ZW10: variants seen among roughly 807,000 people sequenced by gnomAD.
ZW10 encodes centromere/kinetochore protein zw10 homolog.
A neutral mutation model predicts 87.8 loss-of-function variants in ZW10; 53 were observed. That is an observed-to-expected ratio of 0.60 (90% CI 0.48 to 0.76). The LOEUF is 0.76. Ranked by LOEUF, ZW10 falls within the 30% of genes least tolerant of loss-of-function variation. The pLI, the probability that ZW10 is intolerant of heterozygous loss-of-function variation, is 0.00. For missense variants in ZW10, 837 were observed against 923.0 expected (o/e 0.91, Z 1.21); for synonymous variants, 312 against 329.2 (o/e 0.95, Z 0.57).
chr11:113,767,453 G>A (rs1483442226), intron 2 of ZW10, among the ~76,000 whole-genome samples: 2 of 152,008 alleles, frequency 1.3e-5, no homozygotes, highest in Non-Finnish European at 2.9e-5. Flanking sequence ...ACATCAACAA[G>A]TTCCAAATAT....
At chr11:113,738,560 T>C (rs1475530490) in intron 12 of ZW10, among the ~76,000 whole-genome samples, 166 bp from the exon 13 acceptor site, 1 of 152,206 alleles carries the variant, frequency 6.6e-6, no homozygotes, top group Non-Finnish European at 1.5e-5. Flanking sequence ...ACAATCACTT[T>C]GAATACATTA....
intron 7 of ZW10, among the ~76,000 whole-genome samples, chr11:113,752,632 G>C (rs1185138447): frequency 6.6e-6 from 1 of 152,158 alleles, no homozygotes; most frequent in Non-Finnish European, 1.5e-5. Flanking sequence ...GAGATGCCAT[G>C]AACCACTCAT....
At chr11:113,757,107 TAAA>T (rs112995495) in intron 7 of ZW10, among the ~76,000 whole-genome samples, 1,703 of 137,078 alleles carry the variant, frequency 0.012, 39 homozygotes, top group African/African-American at 0.044. Context: ...CAAATAGACT[TAAA>T]AAAAAAAAAA....
intron 7 of ZW10, among the ~76,000 whole-genome samples, chr11:113,754,451 C>T (rs1953762720): frequency 6.6e-6 from 1 of 152,040 alleles, no homozygotes; most frequent in South Asian, 2.1e-4. Flanking sequence ...TGCCACTATA[C>T]TCCAGCCTGG....
At chr11:113,742,693 T>C (rs140126765) in intron 10 of ZW10, among the ~76,000 whole-genome samples, 272 of 152,328 alleles carry the variant, frequency 1.8e-3, no homozygotes, top group African/African-American at 6.0e-3. Context: ...TGGTCTGATA[T>C]ATTTCAGGAG....
chr11:113,735,226 G>A (rs1953536657), intron 15 of ZW10, among the ~76,000 whole-genome samples: 1 of 152,140 alleles, frequency 6.6e-6, no homozygotes, highest in Non-Finnish European at 1.5e-5. Flanking sequence ...AAGAAGTTGA[G>A]TTGTACTAGT....
At chr11:113,753,073 T>A (rs1477751765) in intron 7 of ZW10, among the ~76,000 whole-genome samples, 2 of 152,196 alleles carry the variant, frequency 1.3e-5, no homozygotes, top group Non-Finnish European at 2.9e-5. Context: ...AGGTTTGTTA[T>A]ATAGGTAAAC....
chr11:113,767,904 C>T (rs1591424286), intron 2 of ZW10, among the ~76,000 whole-genome samples: 1 of 152,214 alleles, frequency 6.6e-6, no homozygotes, highest in South Asian at 2.1e-4. Flanking sequence ...CTTATGGCTA[C>T]TTACAACACT....
intron 7 of ZW10, among the ~76,000 whole-genome samples, chr11:113,755,540 A>C (rs746253407): frequency 1.2e-4 from 18 of 152,230 alleles, no homozygotes; most frequent in Admixed American, 2.6e-4. Context: ...GCTGGTGAAG[A>C]TGCTGTGAAC....
Position 113,764,844 on chromosome 11 carries a change from T to G in ZW10, c.241-3926A>C, listed in dbSNP as rs552433506. 1.6e-3 allele frequency among the ~76,000 whole-genome samples: 241 copies of G among 152,344 alleles called. 6 individuals are homozygous for G. The highest frequency in any genetic ancestry group is 1.7e-3 in the Non-Finnish European group (115 of 68,028). On this transcript the variant is annotated intron_variant, in intron 2 of 15. Transcript: ENST00000200135. ...TCCATGAAACTATTCTCTACTGATT[T>G]TCCTCTTAGTTCTCTAGCCCTTCCT...
intron 1 of ZW10, among the ~76,000 whole-genome samples, chr11:113,772,029 CCT>C (rs1251566063): frequency 5.3e-5 from 8 of 152,046 alleles, no homozygotes; most frequent in Admixed American, 5.2e-4. Flanking sequence ...ATCCCCTCTC[CCT>C]GAGGGAAGAT....
chr11:113,765,080 A>T (rs1953897286), intron 2 of ZW10, among the ~76,000 whole-genome samples: 1 of 152,222 alleles, frequency 6.6e-6, no homozygotes, highest in Admixed American at 6.5e-5. Flanking sequence ...AACAGAGGCC[A>T]GGGATACTGC....
chr11:113,747,286 T>C (rs879848073), intron 9 of ZW10, among the ~76,000 whole-genome samples: 5 of 152,148 alleles, frequency 3.3e-5, no homozygotes, highest in Non-Finnish European at 7.4e-5. Context: ...CCATTACATG[T>C]ATGTAGACTT....
rs749958455 is a variant in ZW10, at chr11:113,767,357, C to CT, written c.240+1475dup. ...TCCTCAAATCTCTCACAAAAACCTG[C>CT]TTTCTCTAGATTCTCTGTCAGTGAA... On this transcript the variant is annotated intron_variant, in intron 2 of 15. Coordinates refer to ENST00000200135, the MANE Select transcript of ZW10 (RefSeq NM_004724.4). 7.2e-5 allele frequency among the ~76,000 whole-genome samples: 11 copies of CT among 152,128 alleles called. No individual in the cohort carries two copies. The South Asian group carries it at 2.3e-3, about 32-fold the overall frequency.
chr11:113,735,052 GTAT>G (rs1408015526), intron 15 of ZW10, among the ~76,000 whole-genome samples: 1 of 151,882 alleles, frequency 6.6e-6, no homozygotes, highest in Non-Finnish European at 1.5e-5. Context: ...CAAAATACTG[GTAT>G]TATTTTTCTT....
rs574511557 is a variant in ZW10, at chr11:113,747,611, G to A, written c.1192C>T (p.His398Tyr). ...LLKYARNINSHFANKKCQDVI... is the reference protein window; with the variant it reads ...LLKYARNINSYFANKKCQDVI... ...TCCTGGCACTTTTTGTTTGCAAAAT[G>A]AGAATTGATGTTACGAGCGTATTTC... Residue 398 changes from histidine (H) to tyrosine (Y), a missense_variant, in exon 9 of 16, where the codon CAT becomes TAT. Physicochemically the swap from His to Tyr is moderately conservative, Grantham distance 83. Transcript: ENST00000200135. The A allele has an allele frequency of 1.9e-6, 3 of 1,613,802 alleles. No individual in the cohort carries two copies. The highest frequency in any genetic ancestry group is 2.2e-5 in the South Asian group (2 of 91,054).
chr11:113,763,956 T>C (rs1223287694), intron 2 of ZW10, among the ~76,000 whole-genome samples: 7 of 152,224 alleles, frequency 4.6e-5, no homozygotes, highest in East Asian at 1.9e-4. Flanking sequence ...CTGAATGGAA[T>C]TGCCCAGGTT....
intron 9 of ZW10, 34 bp downstream of exon 9, chr11:113,747,497 A>G (rs754977033): frequency 7.1e-6 from 11 of 1,552,490 alleles, no homozygotes; most frequent in Non-Finnish European, 6.1e-6. Flanking sequence ...CTCATATACA[A>G]TGTTTCATAT....
Position 113,758,214 on chromosome 11 carries a change from A to AC in ZW10, c.733+339_733+340insG, listed in dbSNP as rs1426038137. Among the ~76,000 whole-genome samples, 7 of 152,156 alleles carry AC rather than the reference A, an allele frequency of 4.6e-5. No homozygotes were observed. In the East Asian group the frequency reaches 1.4e-3, roughly 29 times the overall value. Reference sequence around the variant, plus strand: ...CTAAAAAGTAAGCATGTCAAAAAAAAAATATGAATCTTTGAACCTAACAAC... The same window carrying AC: ...CTAAAAAGTAAGCATGTCAAAAAAAACAATATGAATCTTTGAACCTAACAAC... On this transcript the variant is annotated intron_variant, in intron 6 of 15. Coordinates refer to ENST00000200135, the MANE Select transcript of ZW10 (RefSeq NM_004724.4).
Sources: gnomAD v4.1 joint callset for allele counts (sites outside exome capture counted in the v4.1 genomes callset) on GRCh38, gnomAD v4.1.1 for gene constraint, MANE v1.5 for transcripts, NCBI Gene and HGNC (gene_info 2026-07-23, HGNC 2026-07-21) for gene names.